The following KCNN2 variants were observed in gnomAD, a reference collection of about 807,000 sequenced individuals.
KCNN2 encodes potassium calcium-activated channel subfamily N member 2.
Under a neutral mutation model 55.5 loss-of-function variants are expected in KCNN2, and 24 were observed. The ratio of observed to expected loss-of-function variants is 0.43; its 90% CI spans 0.31 to 0.61. KCNN2 has a LOEUF of 0.61. Among genes scored for constraint, KCNN2 ranks in the 20% least tolerant of loss-of-function variants. KCNN2 has a pLI of 0.08. For synonymous variants in KCNN2, 431 were observed against 336.1 expected, an observed-to-expected ratio of 1.28 and a Z score of -3.09; for missense variants, 754 against 853.6, an observed-to-expected ratio of 0.88 and a Z score of 1.45.
Position 114,489,483 on chromosome 5 carries a change from G to T in KCNN2, c.2018+2306G>T, listed in dbSNP as rs187205614. Among the ~76,000 whole-genome samples, 740 of 152,138 alleles carry T rather than the reference G, an allele frequency of 4.9e-3. 3 individuals carry two copies. Among genetic ancestry groups the T allele is most frequent in the Non-Finnish European group, 7.9e-3 (539 of 67,992 alleles). Reference sequence around the variant, plus strand: ...ACTTGTGATTTTTCTGCTTCTGTCAGATATTTCTTATTCTGTTTCTTCTGT... The same window carrying T: ...ACTTGTGATTTTTCTGCTTCTGTCATATATTTCTTATTCTGTTTCTTCTGT... On this transcript the variant is annotated intron_variant, in intron 6 of 7. Transcript: ENST00000673685.
intron 1 of KCNN2, among the ~76,000 whole-genome samples, chr5:114,097,871 C>T (rs1580510048): frequency 6.6e-6 from 1 of 152,152 alleles, no homozygotes; most frequent in Non-Finnish European, 1.5e-5. Context: ...CCTAAGCTTC[C>T]TTCAGTCTCC....
intron 2 of KCNN2, among the ~76,000 whole-genome samples, chr5:114,373,658 A>ATATATATATATATATATATATATAT (rs1554084191): frequency 1.2e-3 from 127 of 104,390 alleles, no homozygotes; most frequent in Middle Eastern, 4.2e-3. Flanking sequence ...ATATATATAT[A>ATATATATATATATATATATATATAT]AAATTACTTG....
chr5:114,228,738 T>G (rs966393832), intron 2 of KCNN2, among the ~76,000 whole-genome samples: 15 of 152,074 alleles, frequency 9.9e-5, no homozygotes, highest in African/African-American at 3.6e-4. Context: ...TTATTAGAAG[T>G]TGAGAAAGTT....
chr5:114,252,093 G>A (rs533501600), intron 2 of KCNN2, among the ~76,000 whole-genome samples: 29 of 151,698 alleles, frequency 1.9e-4, no homozygotes, highest in South Asian at 8.3e-4. Flanking sequence ...GGCCAGGCTC[G>A]TCTTGAACTC....
intron 2 of KCNN2, among the ~76,000 whole-genome samples, chr5:114,365,600 C>G (rs1757577050): frequency 6.6e-6 from 1 of 152,170 alleles, no homozygotes; most frequent in Admixed American, 6.5e-5. Context: ...AGAACCAGCC[C>G]TATCCTAGCT....
At chr5:114,493,360 T>C (rs1193883086) in intron 6 of KCNN2, 43 bp from the exon 7 acceptor site, 2 of 1,221,246 alleles carry the variant, frequency 1.6e-6, no homozygotes, top group Admixed American at 1.7e-5. Flanking sequence ...AAGATTGCCA[T>C]AGGAAGAAGG....
At chr5:114,070,830 T>A (rs1750553752) in intron 1 of KCNN2, among the ~76,000 whole-genome samples, 1 of 152,228 alleles carries the variant, frequency 6.6e-6, no homozygotes. Context: ...TAAACTTCAG[T>A]GTATTTATAT....
intron 2 of KCNN2, among the ~76,000 whole-genome samples, chr5:114,365,648 A>C (rs1003802193): frequency 1.3e-5 from 2 of 152,234 alleles, no homozygotes; most frequent in African/African-American, 2.4e-5. Context: ...CTGCTGCTAC[A>C]TGCCAAAAAC....
intron 4 of KCNN2, among the ~76,000 whole-genome samples, chr5:114,465,220 C>T (rs1172378208): frequency 6.6e-6 from 1 of 152,212 alleles, no homozygotes; most frequent in Non-Finnish European, 1.5e-5. Flanking sequence ...GTCTCAAAAA[C>T]TGTTCCTTCA....
rs1394330007 is a variant in KCNN2 at position 114,496,234 on chromosome 5, A to C, written c.*52A>C. 1.3e-6 allele frequency: 2 copies of C among 1,576,272 alleles called. No homozygotes were observed. Among genetic ancestry groups the C allele is most frequent in the African/African-American group, 2.7e-5 (2 of 74,130 alleles). On this transcript the variant is annotated 3_prime_UTR_variant, in exon 8 of 8. Transcript: ENST00000673685. ...GACTTTTTGCCATCATATGGTCAATATTTTAGCTTTTATTGTAAAGCCCCT... is the reference window on the plus strand; with the variant it reads ...GACTTTTTGCCATCATATGGTCAATCTTTTAGCTTTTATTGTAAAGCCCCT...
chr5:114,157,723 T>C (rs985032790), intron 1 of KCNN2, among the ~76,000 whole-genome samples: 6 of 152,180 alleles, frequency 3.9e-5, no homozygotes, highest in Non-Finnish European at 7.4e-5. Flanking sequence ...TGGTATCTCA[T>C]TATGGTTTTG....
At chr5:114,409,368 G>T (rs1405106960) in intron 3 of KCNN2, among the ~76,000 whole-genome samples, 1 of 152,082 alleles carries the variant, frequency 6.6e-6, no homozygotes, top group Non-Finnish European at 1.5e-5. Flanking sequence ...TTGCAATTTG[G>T]AACATGATGT....
chr5:114,066,079 A>C (rs1398963985), intron 1 of KCNN2, among the ~76,000 whole-genome samples: 1 of 152,078 alleles, frequency 6.6e-6, no homozygotes, highest in Non-Finnish European at 1.5e-5. Flanking sequence ...TCCTGTTCAG[A>C]GCTTAATCTT....
chr5:114,396,000 C>T, intron 2 of KCNN2, among the ~76,000 whole-genome samples: 1 of 152,218 alleles, frequency 6.6e-6, no homozygotes, highest in East Asian at 1.9e-4. Context: ...GTGACCTGCA[C>T]TTGGCATATA....
chr5:114,247,157 A>ATAT (rs1278013481), intron 2 of KCNN2, among the ~76,000 whole-genome samples: 2 of 148,150 alleles, frequency 1.3e-5, no homozygotes, highest in Non-Finnish European at 3.0e-5. Flanking sequence ...AATAATAATA[A>ATAT]TAATAATAAT....
intron 1 of KCNN2, among the ~76,000 whole-genome samples, chr5:114,112,280 A>G (rs1259207453): frequency 6.6e-6 from 1 of 152,142 alleles, no homozygotes; most frequent in African/African-American, 2.4e-5. Flanking sequence ...TTGAACAATG[A>G]GAACACATGG....
chr5:114,387,166 A>C (rs1017383882), intron 2 of KCNN2, among the ~76,000 whole-genome samples: 1 of 152,224 alleles, frequency 6.6e-6, no homozygotes, highest in African/African-American at 2.4e-5. Flanking sequence ...CAAATGGATA[A>C]TCTTTATTAA....
chr5:114,188,833 A>T (rs1753390655), intron 1 of KCNN2, among the ~76,000 whole-genome samples: 1 of 152,196 alleles, frequency 6.6e-6, no homozygotes, highest in African/African-American at 2.4e-5. Flanking sequence ...GGGGTATACA[A>T]CCTGTTCCTG....
At chr5:114,294,172 T>C (rs1274723736) in intron 2 of KCNN2, among the ~76,000 whole-genome samples, 3 of 152,068 alleles carry the variant, frequency 2.0e-5, no homozygotes, top group East Asian at 1.9e-4. Context: ...TTTTGAAGGG[T>C]TTTTTGTGTC....
Sources: gnomAD v4.1 joint callset for allele counts (sites outside exome capture counted in the v4.1 genomes callset) on GRCh38, gnomAD v4.1.1 for gene constraint, MANE v1.5 for transcripts, NCBI Gene and HGNC (gene_info 2026-07-23, HGNC 2026-07-21) for gene names.